CCDC12: variants seen among roughly 807,000 people sequenced by gnomAD.
CCDC12 encodes coiled-coil domain containing 12.
In CCDC12, 28 loss-of-function variants were observed where a neutral mutation model predicts 25.7. The ratio of observed to expected loss-of-function variants is 1.09; its 90% CI spans 0.81 to 1.50. CCDC12 has a LOEUF of 1.50. Among genes scored for constraint, CCDC12 ranks in the 40% most tolerant of loss-of-function variants. CCDC12 has a pLI of 0.00. For synonymous variants in CCDC12, 75 were observed against 87.7 expected (o/e 0.86, Z 0.81); for missense variants, 198 against 210.0 (o/e 0.94, Z 0.35).
chr3:46,976,856 C>A, upstream of CCDC12: 1 of 1,476,478 alleles, frequency 6.8e-7, no homozygotes, highest in South Asian at 1.3e-5. Flanking sequence ...GAAAGCCAAT[C>A]AATGCGGGGT....
At chr3:46,964,761 G>A (rs563350818) in intron 1 of CCDC12, among the ~76,000 whole-genome samples, 4 of 152,164 alleles carry the variant, frequency 2.6e-5, no homozygotes, top group African/African-American at 7.2e-5. Flanking sequence ...CAGCATGCTC[G>A]TTAAGAGTCA....
upstream of CCDC12, among the ~76,000 whole-genome samples, chr3:46,981,704 A>G (rs930039235): frequency 6.6e-6 from 1 of 152,122 alleles, no homozygotes; most frequent in Non-Finnish European, 1.5e-5. Context: ...ATGGGCAGGT[A>G]AAGGGGGCTT....
intron 1 of CCDC12, among the ~76,000 whole-genome samples, chr3:46,957,877 A>G (rs2034341709): frequency 6.6e-6 from 1 of 151,674 alleles, no homozygotes; most frequent in South Asian, 2.1e-4. Context: ...CAGGTGGAGG[A>G]GGTTGCAGTG....
In CCDC12 at chr3:46,922,733, T is replaced by C. The variant is rs1183080279; in HGVS notation, c.342-421A>G. On this transcript the variant is annotated intron_variant, in intron 5 of 6. Coordinates refer to ENST00000683445, the MANE Select transcript of CCDC12 (RefSeq NM_001277074.2). The stretch of plus-strand genomic sequence containing the variant: ...AAGCACTCAGCCCATTCTCTCTGGC[T>C]CTGGGTTTCCCAGGACATATGCCCC... The C allele has an allele frequency of 1.9e-5, 5 of 263,900 alleles. No homozygotes were observed. The East Asian group carries it at 4.8e-4, about 25-fold the overall frequency. The allele number at this position is 263,900 out of a possible 1,614,324, so 16.3% of individuals were successfully genotyped here.
At chr3:46,937,784 A>G (rs770904036) in intron 2 of CCDC12, among the ~76,000 whole-genome samples, 6 of 152,194 alleles carry the variant, frequency 3.9e-5, no homozygotes, top group Admixed American at 1.3e-4. Context: ...TGCAGTCTAA[A>G]GTTACGTCCA....
intron 2 of CCDC12, among the ~76,000 whole-genome samples, chr3:46,940,446 G>A (rs902123946): frequency 4.6e-5 from 7 of 152,204 alleles, no homozygotes; most frequent in Non-Finnish European, 7.3e-5. Flanking sequence ...CACAGACAAC[G>A]AGAAAGGCGC....
At chr3:46,936,561 C>T (rs2033449998) in intron 2 of CCDC12, among the ~76,000 whole-genome samples, 1 of 152,078 alleles carries the variant, frequency 6.6e-6, no homozygotes, top group South Asian at 2.1e-4. Context: ...TGTGACTTGC[C>T]CAGGGTTAGA....
intron 1 of CCDC12, among the ~76,000 whole-genome samples, chr3:46,972,154 T>A (rs1360271286): frequency 6.6e-6 from 1 of 152,176 alleles, no homozygotes; most frequent in Non-Finnish European, 1.5e-5. Context: ...CTTCATCAAA[T>A]TTTAAACTCT....
At chr3:46,978,438 C>T (rs1012659297), upstream of CCDC12, among the ~76,000 whole-genome samples, 8 of 152,006 alleles carry the variant, frequency 5.3e-5, no homozygotes, top group African/African-American at 1.7e-4. Flanking sequence ...AGTAGCACCC[C>T]TCTGGGCCCA....
At chr3:46,979,895 C>T (rs759408327), upstream of CCDC12, 2 of 463,960 alleles carry the variant, frequency 4.3e-6, no homozygotes, top group African/African-American at 2.0e-5. Flanking sequence ...CGAGTTGTGG[C>T]TGCTCTACTA....
chr3:46,973,997 G>A (rs1012156624), intron 1 of CCDC12, among the ~76,000 whole-genome samples: 2 of 152,108 alleles, frequency 1.3e-5, no homozygotes, highest in Non-Finnish European at 2.9e-5. Flanking sequence ...TATACACAAC[G>A]GAATATTATT....
intron 1 of CCDC12, among the ~76,000 whole-genome samples, chr3:46,966,599 G>T (rs1195160122): frequency 2.0e-5 from 3 of 152,186 alleles, no homozygotes; most frequent in Non-Finnish European, 2.9e-5. Context: ...CTGAGCACTA[G>T]CAAGAAGGCT....
intron 2 of CCDC12, among the ~76,000 whole-genome samples, chr3:46,936,480 C>T (rs1034944721): frequency 2.6e-5 from 4 of 152,214 alleles, no homozygotes; most frequent in Admixed American, 6.5e-5. Context: ...TTGCTCTGTT[C>T]GTCAGGTGAA....
intron 2 of CCDC12, among the ~76,000 whole-genome samples, chr3:46,930,000 C>T (rs2033140801): frequency 7.8e-6 from 1 of 128,352 alleles, no homozygotes; most frequent in South Asian, 2.5e-4. Context: ...CACTGCACTC[C>T]AGCCTGGGCG....
At chr3:46,965,698 G>A (rs2034616436) in intron 1 of CCDC12, among the ~76,000 whole-genome samples, 1 of 152,162 alleles carries the variant, frequency 6.6e-6, no homozygotes, top group Non-Finnish European at 1.5e-5. Context: ...AGGAGGCGGT[G>A]GGCTCCCTGG....
upstream of CCDC12, among the ~76,000 whole-genome samples, chr3:46,980,069 T>G: frequency 6.6e-6 from 1 of 151,186 alleles, no homozygotes; most frequent in Non-Finnish European, 1.5e-5. Flanking sequence ...CGCACACACG[T>G]GTGTGCCCCC....
intron 1 of CCDC12, among the ~76,000 whole-genome samples, chr3:46,944,168 G>C (rs1048525464): frequency 6.6e-6 from 1 of 152,150 alleles, no homozygotes; most frequent in Non-Finnish European, 1.5e-5. Flanking sequence ...GGGAAAACCT[G>C]GGAAATGGCA....
intron 2 of CCDC12, among the ~76,000 whole-genome samples, chr3:46,940,408 AC>A (rs1276367879): frequency 6.6e-6 from 1 of 152,204 alleles, no homozygotes; most frequent in Admixed American, 6.5e-5. Flanking sequence ...TAAGATAAAT[AC>A]TACAGAGGGA....
chr3:46,935,106 G>A (rs1031261857), intron 2 of CCDC12, among the ~76,000 whole-genome samples: 3 of 152,232 alleles, frequency 2.0e-5, no homozygotes, highest in African/African-American at 7.2e-5. Flanking sequence ...TGCACACATT[G>A]AGCTGGGGAA....
Sources: allele counts gnomAD v4.1 joint callset (sites outside exome capture counted in the v4.1 genomes callset), GRCh38; gene constraint gnomAD v4.1.1; transcripts MANE v1.5; gene names NCBI Gene and HGNC (gene_info 2026-07-23, HGNC 2026-07-21).